Variants in EIF4G3 observed in about 807,000 individuals in gnomAD.
The protein encoded by EIF4G3 is eIF-4-gamma 3.
A neutral mutation model predicts 186.4 loss-of-function variants in EIF4G3; 34 were observed. The observed-to-expected ratio is 0.18, with a 90% CI of 0.14 to 0.24. The LOEUF is 0.24. Among genes scored for constraint, EIF4G3 ranks in the 10% least tolerant of loss-of-function variants. The pLI, the probability that EIF4G3 is intolerant of heterozygous loss-of-function variation, is 1.00. For missense variants in EIF4G3, 1,536 were observed against 1,948.5 expected, an observed-to-expected ratio of 0.79 and a Z score of 3.99; for synonymous variants, 673 against 679.5, an observed-to-expected ratio of 0.99 and a Z score of 0.15.
intron 6 of EIF4G3, among the ~76,000 whole-genome samples, chr1:20,998,102 G>C (rs1013753476): frequency 1.3e-5 from 2 of 151,828 alleles, no homozygotes; most frequent in Admixed American, 6.6e-5. Context: ...AGTAAAAAAC[G>C]TAACACAATT....
intron 3 of EIF4G3, among the ~76,000 whole-genome samples, chr1:21,081,470 A>C (rs1557865728): frequency 6.6e-6 from 1 of 152,054 alleles, no homozygotes; most frequent in African/African-American, 2.4e-5. Flanking sequence ...TTTTTTGTTC[A>C]TATGATCAAT....
chr1:21,017,131 C>T (rs1212510508), intron 4 of EIF4G3, among the ~76,000 whole-genome samples: 1 of 152,112 alleles, frequency 6.6e-6, no homozygotes, highest in Non-Finnish European at 1.5e-5. Flanking sequence ...ATTATTCATC[C>T]TTTAAAAAGA....
At chr1:21,144,067 A>C (rs2097392054) in intron 2 of EIF4G3, among the ~76,000 whole-genome samples, 1 of 152,312 alleles carries the variant, frequency 6.6e-6, no homozygotes, top group Non-Finnish European at 1.5e-5. Context: ...TAACTAAATG[A>C]AGCAATTTCA....
At chr1:20,920,819 A>G (rs776093017) in intron 14 of EIF4G3, among the ~76,000 whole-genome samples, 15 of 152,068 alleles carry the variant, frequency 9.9e-5, no homozygotes, top group South Asian at 4.1e-4. Context: ...CTCTCTAGAA[A>G]TACTGTTTCA....
chr1:20,973,057 G>C lies in EIF4G3; in HGVS notation c.536C>G (p.Pro179Arg). The C allele has an allele frequency of 6.2e-7, 1 of 1,610,578 alleles. No individual in the cohort carries two copies. The highest frequency in any genetic ancestry group is 8.5e-7 in the Non-Finnish European group (1 of 1,179,174). Residue 179 changes from proline (P) to arginine (R), a missense_variant, in exon 11 of 37, where the codon CCT becomes CGT. Physicochemically the swap from Pro to Arg is moderately radical, Grantham distance 103 (BLOSUM62 -2). This residue lies in a region of EIF4G3 where 194 missense variants were observed against 212.8 expected (regional missense o/e 0.91). Coordinates refer to ENST00000602326, the MANE Select transcript of EIF4G3 (RefSeq NM_001391906.1). ...YPSQPVYQSAPIIVPTQQQPP... is the reference protein window; with the variant it reads ...YPSQPVYQSARIIVPTQQQPP... ...CTGTTGCTGCGTAGGCACTATGATA[G>C]GTGCTGACTGATACACCGGCTGACT...
At chr1:20,904,267 T>C (rs1484866756) in intron 15 of EIF4G3, among the ~76,000 whole-genome samples, 1 of 152,228 alleles carries the variant, frequency 6.6e-6, no homozygotes, top group African/African-American at 2.4e-5. Context: ...TCCATTTTTG[T>C]TTACCAGATT....
At chr1:20,990,052 C>T (rs2080725502) in intron 7 of EIF4G3, among the ~76,000 whole-genome samples, 1 of 152,050 alleles carries the variant, frequency 6.6e-6, no homozygotes, top group Admixed American at 6.6e-5. Context: ...GTGGCATGTG[C>T]CTAAAGTCCC....
At chr1:20,954,534 C>CAA (rs35942587) in intron 12 of EIF4G3, among the ~76,000 whole-genome samples, 822 of 48,522 alleles carry the variant, frequency 0.017, 7 homozygotes, top group Non-Finnish European at 0.019. Context: ...GACCCCGTCT[C>CAA]AAAAAAAAAA....
At chr1:20,856,301 ACTT>A (rs1294286347) in intron 25 of EIF4G3, among the ~76,000 whole-genome samples, 1 of 152,222 alleles carries the variant, frequency 6.6e-6, no homozygotes, top group East Asian at 1.9e-4. Context: ...TTTTCTTAAT[ACTT>A]CTTGTCAGTT....
chr1:21,000,787 T>C (rs1029167326), intron 6 of EIF4G3, among the ~76,000 whole-genome samples: 10 of 145,570 alleles, frequency 6.9e-5, no homozygotes, highest in East Asian at 4.0e-4. Flanking sequence ...ATGGCAAAAA[T>C]TGTATAGAGG....
intron 3 of EIF4G3, chr1:21,065,029 ATTT>A (rs1241319918): frequency 3.9e-5 from 6 of 152,130 alleles, no homozygotes; most frequent in Non-Finnish European, 7.4e-5. Flanking sequence ...TTACAACTTA[ATTT>A]TTTAAAACTA....
chr1:21,119,573 GTTAAC>G (rs2096890637), intron 2 of EIF4G3, among the ~76,000 whole-genome samples: 1 of 152,096 alleles, frequency 6.6e-6, no homozygotes, highest in Non-Finnish European at 1.5e-5. Flanking sequence ...CAAAGAATAA[GTTAAC>G]TTTATTTGGC....
In EIF4G3 at chr1:20,807,301, T is replaced by C; in HGVS notation, c.*18A>G. The C allele has an allele frequency of 6.5e-7, 1 of 1,549,428 alleles. No homozygotes were observed. The highest frequency in any genetic ancestry group is 8.8e-7 in the Non-Finnish European group (1 of 1,142,284). On this transcript the variant is annotated 3_prime_UTR_variant, in exon 37 of 37. Transcript: ENST00000602326. ...TACTTAAATTGTTTCTTTTGTTTCATTTTGTGTATTTGAAGTTTTAGTTAT... is the reference window on the plus strand; with the variant it reads ...TACTTAAATTGTTTCTTTTGTTTCACTTTGTGTATTTGAAGTTTTAGTTAT...
At chr1:21,096,413 A>G (rs1374594437) in intron 2 of EIF4G3, among the ~76,000 whole-genome samples, 1 of 152,224 alleles carries the variant, frequency 6.6e-6, no homozygotes, top group Non-Finnish European at 1.5e-5. Context: ...GAAATTACTT[A>G]ATGGGTACAA....
intron 4 of EIF4G3, among the ~76,000 whole-genome samples, chr1:21,025,578 A>C (rs1177440928): frequency 6.6e-6 from 1 of 152,262 alleles, no homozygotes; most frequent in African/African-American, 2.4e-5. Flanking sequence ...GAATGCTTAC[A>C]GAACCCAAAA....
chr1:20,873,934 T>G (rs1403471291), intron 20 of EIF4G3, among the ~76,000 whole-genome samples: 2 of 152,150 alleles, frequency 1.3e-5, no homozygotes. Context: ...AGTGAGAACA[T>G]GCAGTGCTTA....
chr1:20,840,618 A>G (rs2068266109), intron 30 of EIF4G3, among the ~76,000 whole-genome samples: 1 of 152,194 alleles, frequency 6.6e-6, no homozygotes, highest in African/African-American at 2.4e-5. Context: ...ATCATGATAG[A>G]GATCTAACAA....
intron 13 of EIF4G3, among the ~76,000 whole-genome samples, chr1:20,943,972 T>TGTGTGTGTGTGTGTGTGTGTGTGTGTGTG: frequency 2.2e-5 from 1 of 44,842 alleles, no homozygotes; most frequent in East Asian, 4.7e-4. Flanking sequence ...TCTTTATTTT[T>TGTGTGTGTGTGTGTGTGTGTGTGTGTGTG]TTTGTGTGTG....
chr1:20,850,019 T>C (rs2072758812), intron 28 of EIF4G3, among the ~76,000 whole-genome samples: 1 of 152,176 alleles, frequency 6.6e-6, no homozygotes, highest in African/African-American at 2.4e-5. Context: ...TTCCTACTGG[T>C]CCTTCGGATG....
Sources: allele counts gnomAD v4.1 joint callset (sites outside exome capture counted in the v4.1 genomes callset), GRCh38; gene constraint gnomAD v4.1.1; regional missense constraint gnomAD v4.1.1; transcripts MANE v1.5; gene names NCBI Gene and HGNC (gene_info 2026-07-23, HGNC 2026-07-21).